The following FIRRM variants were observed in gnomAD, a reference collection of about 807,000 sequenced individuals.
FIRRM encodes the protein FIGNL1 interacting regulator of recombination and mitosis.
chr1:169,801,233 A>G, the FIRRM span, among the ~76,000 whole-genome samples: 1 of 152,044 alleles, frequency 6.6e-6, no homozygotes, highest in African/African-American at 2.4e-5. Flanking sequence ...ATCTGAGGTC[A>G]GGAGTTCGAG....
At chr1:169,832,579 T>C in the FIRRM span, 12 of 981,756 alleles carry the variant, frequency 1.2e-5, no homozygotes, top group Admixed American at 1.3e-4. Flanking sequence ...TTTGATAGCC[T>C]TTTTTTTTCC....
the FIRRM span, among the ~76,000 whole-genome samples, chr1:169,837,979 C>T: frequency 6.6e-6 from 1 of 152,024 alleles, no homozygotes; most frequent in Admixed American, 6.6e-5. Context: ...TTCTTATTGC[C>T]CAGGCTGGAG....
chr1:169,805,413 A>C, the FIRRM span, among the ~76,000 whole-genome samples: 3 of 152,202 alleles, frequency 2.0e-5, no homozygotes, highest in Admixed American at 6.5e-5. Flanking sequence ...AGGGTTTCTA[A>C]GAGTAGCAAA....
chr1:169,788,126 G>C, the FIRRM span, among the ~76,000 whole-genome samples: 11 of 152,128 alleles, frequency 7.2e-5, no homozygotes, highest in African/African-American at 2.7e-4. Flanking sequence ...AAGGCACTTG[G>C]GGTTTCATGA....
the FIRRM span, among the ~76,000 whole-genome samples, chr1:169,799,238 A>G: frequency 1.3e-5 from 2 of 152,230 alleles, no homozygotes; most frequent in African/African-American, 2.4e-5. Context: ...TTACGATTAG[A>G]CCTATATAAA....
At chr1:169,829,674 GAC>G in the FIRRM span, among the ~76,000 whole-genome samples, 1 of 152,136 alleles carries the variant, frequency 6.6e-6, no homozygotes, top group Non-Finnish European at 1.5e-5. Flanking sequence ...GGTATGCAAA[GAC>G]AATGTGAGAA....
chr1:169,850,513 T>C, the FIRRM span: 1 of 549,564 alleles, frequency 1.8e-6, no homozygotes, highest in Admixed American at 3.1e-5. Context: ...GTAAAACACT[T>C]GGGGCCAGGC....
the FIRRM span, chr1:169,798,939 C>A: frequency 0.56 from 704,395 of 1,261,010 alleles, 204,196 homozygotes; most frequent in Middle Eastern, 0.74. Context: ...AACATTCTGA[C>A]AGTTGGATTG....
chr1:169,801,853 A>G, the FIRRM span, among the ~76,000 whole-genome samples: 19 of 152,284 alleles, frequency 1.2e-4, no homozygotes, highest in East Asian at 7.7e-4. Flanking sequence ...TAATCTTTCA[A>G]ATTTCTTGTA....
chr1:169,836,332 C>T, the FIRRM span, among the ~76,000 whole-genome samples: 7 of 152,266 alleles, frequency 4.6e-5, no homozygotes, highest in South Asian at 1.4e-3. Context: ...CAGTACTTTT[C>T]TGTTAACCTA....
the FIRRM span, chr1:169,849,731 C>A: frequency 1.4e-6 from 1 of 691,304 alleles, no homozygotes; most frequent in South Asian, 1.9e-5. Flanking sequence ...CTGAAGGGTA[C>A]ATTACTCGTT....
chr1:169,824,372 C>T, the FIRRM span, among the ~76,000 whole-genome samples: 1 of 152,206 alleles, frequency 6.6e-6, no homozygotes, highest in Admixed American at 6.5e-5. Flanking sequence ...CATCATCAGC[C>T]TTTCCTCCAT....
chr1:169,838,742 G>A, the FIRRM span, among the ~76,000 whole-genome samples: 17 of 151,996 alleles, frequency 1.1e-4, no homozygotes, highest in East Asian at 1.9e-4. Context: ...TGTCCACCTC[G>A]GTCTCCCAAA....
At chr1:169,798,807 C>A in the FIRRM span, 1 of 535,812 alleles carries the variant, frequency 1.9e-6, no homozygotes, top group East Asian at 3.8e-5. Flanking sequence ...CAATTCCAAT[C>A]TCTTATGAGT....
the FIRRM span, among the ~76,000 whole-genome samples, chr1:169,833,195 G>A: frequency 6.6e-6 from 1 of 152,164 alleles, no homozygotes; most frequent in African/African-American, 2.4e-5. Flanking sequence ...GCCTAGTGCA[G>A]TCCCTCAGAC....
At chr1:169,841,879 C>T in the FIRRM span, among the ~76,000 whole-genome samples, 6 of 151,752 alleles carry the variant, frequency 4.0e-5, no homozygotes, top group Admixed American at 1.3e-4. Context: ...AACATTTCAC[C>T]CTAAAAGGAA....
the FIRRM span, chr1:169,852,669 C>A: frequency 9.6e-7 from 1 of 1,045,878 alleles, no homozygotes; most frequent in Non-Finnish European, 1.4e-6. Context: ...GGGGTGCATC[C>A]TCCTACCCTT....
the FIRRM span, among the ~76,000 whole-genome samples, chr1:169,801,180 T>C: frequency 2.0e-5 from 3 of 152,194 alleles, no homozygotes; most frequent in Non-Finnish European, 4.4e-5. Flanking sequence ...CGGTGGCTCA[T>C]GCCTGTAATC....
the FIRRM span, among the ~76,000 whole-genome samples, chr1:169,816,882 C>T: frequency 1.3e-5 from 2 of 152,120 alleles, no homozygotes; most frequent in African/African-American, 2.4e-5. Flanking sequence ...TGTCCTGTTG[C>T]AAAAGAAAAC....
Sources: allele counts gnomAD v4.1 joint callset (sites outside exome capture counted in the v4.1 genomes callset), GRCh38; gene constraint gnomAD v4.1.1; transcripts MANE v1.5; gene names NCBI Gene and HGNC (gene_info 2026-07-23, HGNC 2026-07-21).